Variants in SND1 observed in about 807,000 individuals in gnomAD.
The protein encoded by SND1 is staphylococcal nuclease domain-containing protein 1.
Under a neutral mutation model 121.7 loss-of-function variants are expected in SND1, and 38 were observed. The ratio of observed to expected loss-of-function variants is 0.31; its 90% CI spans 0.24 to 0.41. The LOEUF (loss-of-function observed/expected upper bound fraction) is 0.41. SND1 is among the 10% of genes least tolerant of loss of function. The pLI is 1.00. For synonymous variants in SND1, 401 were observed against 447.4 expected, an observed-to-expected ratio of 0.90 and a Z score of 1.31; for missense variants, 868 against 1,184.6, an observed-to-expected ratio of 0.73 and a Z score of 3.92.
chr7:128,029,659 G>C lies in SND1; in HGVS notation c.1779+38603G>C, dbSNP rs752441055. 1 of 1,613,894 alleles carries C rather than the reference G, an allele frequency of 6.2e-7. No homozygotes were observed. Among genetic ancestry groups the C allele is most frequent in the East Asian group, 2.2e-5 (1 of 44,886 alleles). ...CGCATGTGCATGGGAGCATGACAGC[G>C]GCCACAGCAGGTGGAATTGGTGGGT... is the stretch of plus-strand genomic sequence containing the variant. On this transcript the variant is annotated intron_variant, in intron 16 of 23. Coordinates refer to ENST00000354725, the MANE Select transcript of SND1 (RefSeq NM_014390.4). This position sits in a 1 kb window ranked among gnomAD's most constrained non-coding sequence, Gnocchi z 4.2.
intron 10 of SND1, among the ~76,000 whole-genome samples, chr7:127,721,955 T>C (rs1230320966): frequency 1.3e-5 from 2 of 152,204 alleles, no homozygotes; most frequent in Non-Finnish European, 2.9e-5. Context: ...GACTCAGGTA[T>C]ATCATTTTTG....
At chr7:127,746,660 G>A (rs1200168589) in intron 10 of SND1, among the ~76,000 whole-genome samples, 2 of 152,164 alleles carry the variant, frequency 1.3e-5, no homozygotes, top group Admixed American at 1.3e-4. Context: ...TTGGCTTTAT[G>A]TGGGCGGCCT....
At chr7:127,883,591 C>T (rs1269628973) in intron 12 of SND1, among the ~76,000 whole-genome samples, 1 of 152,112 alleles carries the variant, frequency 6.6e-6, no homozygotes, top group East Asian at 1.9e-4. Context: ...TTCTATGAGG[C>T]AGGACATTTT....
In SND1 at chr7:127,742,717, G is replaced by A. The variant is rs146871891; in HGVS notation, c.1152+21317G>A. On this transcript the variant is annotated intron_variant, in intron 10 of 23. Transcript: ENST00000354725. ...GTTTAGTTCATCGGGTGGTTTCTTCGTCTTTCTTTCCTCTGAGTGTTGTGT... is the reference window on the plus strand; with the variant it reads ...GTTTAGTTCATCGGGTGGTTTCTTCATCTTTCTTTCCTCTGAGTGTTGTGT... Among the ~76,000 whole-genome samples the A allele has an allele frequency of 6.8e-4, 104 of 152,196 alleles. 1 individual carries two copies. Among genetic ancestry groups the A allele is most frequent in the African/African-American group, 2.2e-3 (90 of 41,530 alleles).
chr7:127,701,156 G>A lies in SND1; in HGVS notation c.429-7G>A. 6.2e-7 allele frequency: 1 copy of A among 1,613,092 alleles called. No individual in the cohort carries two copies. The highest frequency in any genetic ancestry group is 8.5e-7 in the Non-Finnish European group (1 of 1,179,650). ...CTAACCACTCTTGTTTATTTTTTAT[G>A]TCCCAGTCCTGAGCAGAACCGGCTT... On this transcript the variant is annotated splice_region_variant and splice_polypyrimidine_tract_variant and intron_variant, in intron 4 of 23. Coordinates refer to ENST00000354725, the MANE Select transcript of SND1 (RefSeq NM_014390.4).
At chr7:127,872,413 A>G (rs190287037) in intron 12 of SND1, among the ~76,000 whole-genome samples, 31 of 152,282 alleles carry the variant, frequency 2.0e-4, no homozygotes, top group Non-Finnish European at 3.8e-4. Context: ...ATAAATACCA[A>G]TGCTGTGTGT....
intron 15 of SND1, among the ~76,000 whole-genome samples, chr7:127,978,888 T>C (rs6946590): frequency 0.081 from 12,386 of 152,054 alleles, 1,533 homozygotes; most frequent in African/African-American, 0.26. Context: ...GGTTTCACCA[T>C]GTTGGCCAGG....
intron 10 of SND1, among the ~76,000 whole-genome samples, chr7:127,795,412 G>A (rs1041978437): frequency 6.6e-6 from 1 of 152,146 alleles, no homozygotes; most frequent in African/African-American, 2.4e-5. Flanking sequence ...TTTTGAGGAA[G>A]CTAGTTCTTT....
chr7:127,989,370 G>A (rs906202467), intron 15 of SND1, among the ~76,000 whole-genome samples: 17 of 152,174 alleles, frequency 1.1e-4, no homozygotes, highest in Non-Finnish European at 2.2e-4. Flanking sequence ...GGCTCAGAGA[G>A]AAAGCTCCGT....
intron 15 of SND1, among the ~76,000 whole-genome samples, chr7:127,945,534 G>C (rs1279954890): frequency 6.6e-6 from 1 of 151,976 alleles, no homozygotes; most frequent in Non-Finnish European, 1.5e-5. Flanking sequence ...TAACCCTACA[G>C]TTTCCATAGA....
intron 14 of SND1, among the ~76,000 whole-genome samples, chr7:127,922,168 T>C (rs1800721165): frequency 7.4e-6 from 1 of 136,030 alleles, no homozygotes; most frequent in Admixed American, 8.3e-5. Context: ...TTTTCTTTTT[T>C]TCTTTCCTTT....
chr7:127,736,158 T>G (rs376922221), intron 10 of SND1, among the ~76,000 whole-genome samples: 1 of 152,224 alleles, frequency 6.6e-6, no homozygotes, highest in African/African-American at 2.4e-5. Flanking sequence ...TTAACCCCAA[T>G]AGATAGATGG....
At chr7:127,698,066 C>T (rs572528940) in intron 3 of SND1, among the ~76,000 whole-genome samples, 3 of 152,254 alleles carry the variant, frequency 2.0e-5, no homozygotes, top group African/African-American at 7.2e-5. Flanking sequence ...ATTTCAAGTG[C>T]CTGGGTAGAA....
At chr7:127,810,223 A>C (rs1480333051) in intron 11 of SND1, among the ~76,000 whole-genome samples, 1 of 152,112 alleles carries the variant, frequency 6.6e-6, no homozygotes, top group Non-Finnish European at 1.5e-5. Context: ...TTTTCAACCC[A>C]TTGCATGAAT....
chr7:127,887,921 G>A lies in SND1; in HGVS notation c.1363G>A (p.Val455Ile), dbSNP rs1198545178. ...TTGCAGAAACATTGCTGAGGCTCTT[G>A]TCAGCAAAGGTCTAGCCACAGTGAT... Reference protein sequence around the residue: ...IGGINIAEALVSKGLATVIRY... With the variant: ...IGGINIAEALISKGLATVIRY... Residue 455 changes from valine (V) to isoleucine (I), a missense_variant, in exon 13 of 24, where the codon GTC becomes ATC. Transcript: ENST00000354725. 2 of 1,611,544 alleles carry A rather than the reference G, an allele frequency of 1.2e-6. No individual in the cohort carries two copies. The highest frequency in any genetic ancestry group is 2.2e-5 in the East Asian group (1 of 44,714).
chr7:127,918,055 C>CTTTTTTTTT (rs11375840), intron 14 of SND1, among the ~76,000 whole-genome samples: 38 of 142,308 alleles, frequency 2.7e-4, no homozygotes, highest in Non-Finnish European at 2.4e-4. Flanking sequence ...TAGATTTTTT[C>CTTTTTTTTT]TTTTTTTTTT....
rs1801515694 is a variant in SND1, at chr7:127,953,451, G to T, written c.1669+24122G>T. Among the ~76,000 whole-genome samples, 4 of 151,514 alleles carry T rather than the reference G, an allele frequency of 2.6e-5. No individual in the cohort carries two copies. The South Asian group carries it at 8.4e-4, about 32-fold the overall frequency. Reference sequence around the variant, plus strand: ...CTACTTCTATTTTTCCTGCCTTTAAGTTTTTTCTCCCCCACTCCTTCCCTC... The same window carrying T: ...CTACTTCTATTTTTCCTGCCTTTAATTTTTTTCTCCCCCACTCCTTCCCTC... On this transcript the variant is annotated intron_variant, in intron 15 of 23. Coordinates refer to ENST00000354725, the MANE Select transcript of SND1 (RefSeq NM_014390.4).
chr7:127,826,302 AT>A (rs1444754768), intron 11 of SND1, among the ~76,000 whole-genome samples: 11 of 152,118 alleles, frequency 7.2e-5, no homozygotes, highest in African/African-American at 1.2e-4. Context: ...TGAGTATATA[AT>A]TTATTTAACT....
intron 12 of SND1, among the ~76,000 whole-genome samples, chr7:127,871,888 T>C (rs1261958555): frequency 6.6e-6 from 1 of 152,112 alleles, no homozygotes; most frequent in East Asian, 1.9e-4. Context: ...CCCAACACTT[T>C]GGGAGGCCGA....
Sources: gnomAD v4.1 joint callset for allele counts (sites outside exome capture counted in the v4.1 genomes callset) on GRCh38, gnomAD v4.1.1 for gene constraint, Gnocchi (gnomAD v3.1) non-coding constraint, MANE v1.5 for transcripts, NCBI Gene and HGNC (gene_info 2026-07-23, HGNC 2026-07-21) for gene names.